The following SLC16A12 variants were observed in gnomAD, a reference collection of about 807,000 sequenced individuals.
SLC16A12 encodes monocarboxylate transporter 12.
In SLC16A12, 17 loss-of-function variants were observed where a neutral mutation model predicts 42.4. That is an observed-to-expected ratio of 0.40 (90% CI 0.27 to 0.60). The LOEUF (loss-of-function observed/expected upper bound fraction) is 0.60, where lower values mean the gene tolerates loss of function less well. Ranked by LOEUF, SLC16A12 falls within the 20% of genes least tolerant of loss-of-function variation. The probability of loss-of-function intolerance (pLI) is 0.42; values close to 1 mark genes in which losing one functional copy is unlikely to be tolerated. For missense variants in SLC16A12, 544 were observed against 623.0 expected (o/e 0.87, Z 1.35); for synonymous variants, 224 against 229.4 (o/e 0.98, Z 0.21).
intron 2 of SLC16A12, among the ~76,000 whole-genome samples, chr10:89,463,512 T>C (rs1293341458): frequency 1.3e-5 from 2 of 152,166 alleles, no homozygotes; most frequent in Non-Finnish European, 1.5e-5. Flanking sequence ...AATAAAGAAG[T>C]AGTTAAAAAC....
chr10:89,453,933 AACCACTGACCT>A (rs1176342274), intron 3 of SLC16A12, among the ~76,000 whole-genome samples: 1 of 151,990 alleles, frequency 6.6e-6, no homozygotes, highest in Non-Finnish European at 1.5e-5. Flanking sequence ...TCTGCCCGAG[AACCACTGACCT>A]ACTCAATTGC....
intron 2 of SLC16A12, among the ~76,000 whole-genome samples, chr10:89,493,242 G>A (rs1224836531): frequency 1.4e-5 from 2 of 146,050 alleles, no homozygotes; most frequent in Admixed American, 6.9e-5. Flanking sequence ...TTTGGTCTGA[G>A]AAGGAGTTTC....
chr10:89,488,761 G>A (rs1842802860), intron 2 of SLC16A12, among the ~76,000 whole-genome samples: 1 of 152,304 alleles, frequency 6.6e-6, no homozygotes, highest in African/African-American at 2.4e-5. Flanking sequence ...TTAGGAAGAA[G>A]GATAGAGCCT....
chr10:89,553,619 T>C (rs1159474803), intron 2 of SLC16A12, among the ~76,000 whole-genome samples: 1 of 152,206 alleles, frequency 6.6e-6, no homozygotes, highest in Non-Finnish European at 1.5e-5. Flanking sequence ...TCTGTAAAAT[T>C]AGGCGATTGC....
At chr10:89,471,612 T>C (rs537022757) in intron 2 of SLC16A12, among the ~76,000 whole-genome samples, 11 of 152,344 alleles carry the variant, frequency 7.2e-5, no homozygotes, top group Admixed American at 5.2e-4. Context: ...CAAGTCTTTT[T>C]GTGGTCATAT....
chr10:89,465,218 A>G (rs974745509), intron 2 of SLC16A12, among the ~76,000 whole-genome samples: 3 of 152,238 alleles, frequency 2.0e-5, no homozygotes, highest in Non-Finnish European at 4.4e-5. Flanking sequence ...GAAATGGGCT[A>G]TGAACCTTGG....
At chr10:89,540,014 T>TTTCC (rs1386741359), upstream of SLC16A12, among the ~76,000 whole-genome samples, 972 of 150,546 alleles carry the variant, frequency 6.5e-3, 8 homozygotes, top group African/African-American at 0.022. Flanking sequence ...TCCTTCCTTC[T>TTTCC]TTCCTTCCTT....
chr10:89,553,150 G>A (rs150311348), intron 2 of SLC16A12, among the ~76,000 whole-genome samples: 1 of 152,296 alleles, frequency 6.6e-6, no homozygotes, highest in Admixed American at 6.5e-5. Flanking sequence ...TAATTTAATA[G>A]TAAAATCCGT....
At chr10:89,499,961 G>A (rs1589709043) in intron 2 of SLC16A12, among the ~76,000 whole-genome samples, 1 of 152,044 alleles carries the variant, frequency 6.6e-6, no homozygotes, top group Admixed American at 6.6e-5. Flanking sequence ...AACAAAATGG[G>A]AAATATTACA....
chr10:89,485,000 A>T (rs1232876157), intron 2 of SLC16A12, among the ~76,000 whole-genome samples: 8 of 152,216 alleles, frequency 5.3e-5, no homozygotes, highest in Non-Finnish European at 1.2e-4. Context: ...TCTTTGGAGT[A>T]GGCAACTGAG....
intron 2 of SLC16A12, among the ~76,000 whole-genome samples, chr10:89,496,523 AT>A (rs1842924202): frequency 6.6e-6 from 1 of 152,182 alleles, no homozygotes; most frequent in Admixed American, 6.5e-5. Context: ...GGGGAAATAG[AT>A]GATGAAAGAA....
chr10:89,466,559 G>A (rs75982512), intron 2 of SLC16A12, among the ~76,000 whole-genome samples: 2,441 of 152,276 alleles, frequency 0.016, 32 homozygotes, highest in Non-Finnish European at 0.025. Context: ...ATTTTATTAC[G>A]CCTACAGTGT....
chr10:89,434,494 A>G (rs926218939), intron 7 of SLC16A12, among the ~76,000 whole-genome samples: 13 of 152,252 alleles, frequency 8.5e-5, no homozygotes, highest in African/African-American at 3.1e-4. Flanking sequence ...AGCATTAAAC[A>G]TAAAGATCTG....
intron 2 of SLC16A12, among the ~76,000 whole-genome samples, chr10:89,542,087 C>T (rs888281310): frequency 6.6e-6 from 1 of 151,966 alleles, no homozygotes; most frequent in African/African-American, 2.4e-5. Flanking sequence ...CGGGCACAGC[C>T]TGACCCAGGT....
Position 89,433,315 on chromosome 10 carries a change from C to A in SLC16A12, c.1300G>T (p.Asp434Tyr). The A allele has an allele frequency of 6.2e-7, 1 of 1,613,978 alleles. No individual in the cohort carries two copies. Among genetic ancestry groups the A allele is most frequent in the Non-Finnish European group, 8.5e-7 (1 of 1,179,996 alleles). Reference protein sequence around the residue: ...VSPPIAGRLVDTTGSYTAAFL... With the variant: ...VSPPIAGRLVYTTGSYTAAFL... ...GCTGCAGTGTAGCTGCCGGTGGTAT[C>A]TACCAGCCGTCCTGTAACAAACAAC... Residue 434 changes from aspartate (D) to tyrosine (Y), a missense_variant, in exon 8 of 8, where the codon GAT (aspartate) becomes TAT (tyrosine). By Grantham distance (160) the Asp-to-Tyr change is radical. Transcript: ENST00000371790.
At chr10:89,547,293 C>T (rs1374136072) in intron 2 of SLC16A12, among the ~76,000 whole-genome samples, 1 of 152,196 alleles carries the variant, frequency 6.6e-6, no homozygotes, top group African/African-American at 2.4e-5. Context: ...ACAATCTTTT[C>T]AATTACTTGA....
At chr10:89,437,358 C>G (rs763208262) in intron 6 of SLC16A12, among the ~76,000 whole-genome samples, 2 of 152,152 alleles carry the variant, frequency 1.3e-5, no homozygotes, top group Non-Finnish European at 2.9e-5. Flanking sequence ...GCTTTACAAA[C>G]ATTTTTCTAC....
chr10:89,459,514 T>TTATGTG (rs1842257677), intron 3 of SLC16A12, among the ~76,000 whole-genome samples: 1 of 84,878 alleles, frequency 1.2e-5, no homozygotes. Flanking sequence ...GTTTCTGTGT[T>TTATGTG]TATGTGTGTG....
intron 3 of SLC16A12, among the ~76,000 whole-genome samples, chr10:89,447,967 A>C (rs913981424): frequency 2.6e-5 from 4 of 152,248 alleles, no homozygotes; most frequent in African/African-American, 9.6e-5. Flanking sequence ...AACTACCATC[A>C]GAGAATACTA....
Sources: gnomAD v4.1 joint callset for allele counts (sites outside exome capture counted in the v4.1 genomes callset) on GRCh38, gnomAD v4.1.1 for gene constraint, MANE v1.5 for transcripts, NCBI Gene and HGNC (gene_info 2026-07-23, HGNC 2026-07-21) for gene names.